The following GOLPH3 variants were observed in gnomAD, a reference collection of about 807,000 sequenced individuals.
The protein encoded by GOLPH3 is golgi phosphoprotein 3.
Under a neutral mutation model 28.5 loss-of-function variants are expected in GOLPH3, and 14 were observed. That is an observed-to-expected ratio of 0.49 (90% CI 0.32 to 0.77). The LOEUF is 0.77. GOLPH3 is among the 30% of genes least tolerant of loss of function. GOLPH3 has a pLI of 0.03. For missense variants in GOLPH3, 350 were observed against 393.7 expected, an observed-to-expected ratio of 0.89 and a Z score of 0.94; for synonymous variants, 158 against 159.2, an observed-to-expected ratio of 0.99 and a Z score of 0.06.
chr5:32,131,670 AG>A (rs1745827566), intron 3 of GOLPH3, among the ~76,000 whole-genome samples: 1 of 152,240 alleles, frequency 6.6e-6, no homozygotes, highest in African/African-American at 2.4e-5. Context: ...ATCTATTCAT[AG>A]TTTACTTTTT....
intron 2 of GOLPH3, among the ~76,000 whole-genome samples, chr5:32,142,930 A>AG (rs1285914069): frequency 1.3e-5 from 2 of 151,622 alleles, no homozygotes; most frequent in Admixed American, 6.6e-5. Context: ...CTGCCCGGCC[A>AG]CCACCCCGTC....
intron 2 of GOLPH3, among the ~76,000 whole-genome samples, chr5:32,142,889 G>A (rs377047099): frequency 1.3e-5 from 2 of 149,500 alleles, no homozygotes; most frequent in African/African-American, 2.5e-5. Context: ...GCCTCTGCCC[G>A]GCCGCGCCTA....
rs79765735 is a variant in GOLPH3 at position 32,151,925 on chromosome 5, A to G, written c.226-8045T>C. Among the ~76,000 whole-genome samples the G allele has an allele frequency of 9.9e-3, 1,512 of 152,294 alleles. 25 individuals are homozygous for G. The highest frequency in any genetic ancestry group is 0.034 in the African/African-American group (1,392 of 41,550). ...TGGGGTACCTAGAATAGTCAAATTC[A>G]TAGAGACAGTGGTTCCCAGGGACTG... On this transcript the variant is annotated intron_variant, in intron 1 of 3. Coordinates refer to ENST00000265070, the MANE Select transcript of GOLPH3 (RefSeq NM_022130.4).
chr5:32,155,240 C>A (rs1033846448), intron 1 of GOLPH3, among the ~76,000 whole-genome samples: 2 of 152,154 alleles, frequency 1.3e-5, no homozygotes, highest in Non-Finnish European at 2.9e-5. Flanking sequence ...GGCTAGAGTG[C>A]AGTGGCTTGA....
intron 1 of GOLPH3, among the ~76,000 whole-genome samples, chr5:32,144,789 T>C (rs189704541): frequency 1.6e-4 from 24 of 152,280 alleles, no homozygotes; most frequent in Admixed American, 9.8e-4. Flanking sequence ...TCTAGAGATC[T>C]GGGATACTGG....
chr5:32,126,647 G>C lies in GOLPH3; in HGVS notation c.473-11C>G, dbSNP rs143356417. The C allele has an allele frequency of 1.4e-4, 227 of 1,598,966 alleles. 3 individuals carry two copies. The East Asian group carries it at 3.7e-3, about 26-fold the overall frequency. On this transcript the variant is annotated splice_polypyrimidine_tract_variant and intron_variant, in intron 3 of 3. Coordinates refer to ENST00000265070, the MANE Select transcript of GOLPH3 (RefSeq NM_022130.4). ...GATTCCATGTCTCACCTAAACAAAA[G>C]ATTTCAGAAGTTAGAAATGATGAGT...
chr5:32,172,576 TC>T (rs1338527498), intron 1 of GOLPH3, among the ~76,000 whole-genome samples: 1 of 152,088 alleles, frequency 6.6e-6, no homozygotes, highest in Non-Finnish European at 1.5e-5. Context: ...ACGTCTGTAG[TC>T]CCGGCTACTC....
intron 3 of GOLPH3, among the ~76,000 whole-genome samples, chr5:32,134,265 G>A (rs1745885782): frequency 6.6e-6 from 1 of 152,000 alleles, no homozygotes; most frequent in South Asian, 2.1e-4. Context: ...GAGTGCAGTG[G>A]CATGATCTTG....
intron 2 of GOLPH3, among the ~76,000 whole-genome samples, chr5:32,137,692 A>G (rs981693787): frequency 6.6e-6 from 1 of 152,128 alleles, no homozygotes; most frequent in East Asian, 1.9e-4. Context: ...TATAGAATCC[A>G]TTTTAAAAGT....
chr5:32,162,849 C>T (rs1018447394), intron 1 of GOLPH3, among the ~76,000 whole-genome samples: 5 of 151,846 alleles, frequency 3.3e-5, no homozygotes, highest in African/African-American at 7.3e-5. Flanking sequence ...GAGGCAGAGG[C>T]GGGCGGATCA....
At chr5:32,131,726 C>A (rs1197012395) in intron 3 of GOLPH3, among the ~76,000 whole-genome samples, 5 of 152,192 alleles carry the variant, frequency 3.3e-5, no homozygotes, top group Non-Finnish European at 7.3e-5. Context: ...AGGAAAAGTT[C>A]TTCAAAGATT....
At chr5:32,147,491 T>A (rs1024314662) in intron 1 of GOLPH3, among the ~76,000 whole-genome samples, 1 of 151,290 alleles carries the variant, frequency 6.6e-6, no homozygotes, top group Non-Finnish European at 1.5e-5. Flanking sequence ...ACATGAAAAA[T>A]TATTATGAAA....
chr5:32,154,164 AAAG>A (rs1310003062), intron 1 of GOLPH3, among the ~76,000 whole-genome samples: 1 of 152,222 alleles, frequency 6.6e-6, no homozygotes, highest in African/African-American at 2.4e-5. Context: ...TAATTTTAAA[AAAG>A]AAAAGAGCCC....
chr5:32,156,100 T>G (rs1239041395), intron 1 of GOLPH3, among the ~76,000 whole-genome samples: 1 of 151,314 alleles, frequency 6.6e-6, no homozygotes, highest in East Asian at 2.0e-4. Context: ...AGAGTCCCTA[T>G]GCCCTTCTGC....
chr5:32,167,702 G>C (rs1005326660), intron 1 of GOLPH3, among the ~76,000 whole-genome samples: 1 of 148,110 alleles, frequency 6.8e-6, no homozygotes, highest in South Asian at 2.1e-4. Context: ...TGTAATCCCA[G>C]AACTTTGGGA....
At chr5:32,131,447 A>G (rs1455042564) in intron 3 of GOLPH3, among the ~76,000 whole-genome samples, 2 of 152,250 alleles carry the variant, frequency 1.3e-5, no homozygotes, top group Non-Finnish European at 2.9e-5. Context: ...AGATGCAATA[A>G]AAGTTTAGCT....
intron 1 of GOLPH3, among the ~76,000 whole-genome samples, chr5:32,150,820 G>A (rs115738214): frequency 0.015 from 2,232 of 152,132 alleles, 21 homozygotes; most frequent in Non-Finnish European, 0.024. Flanking sequence ...TCAGATTTTC[G>A]AAATTGGGAT....
chr5:32,126,346 G>C lies in GOLPH3; in HGVS notation c.763C>G (p.Pro255Ala), dbSNP rs1476174592. The C allele has an allele frequency of 6.2e-7, 1 of 1,614,054 alleles. No homozygotes were observed. The highest frequency in any genetic ancestry group is 8.5e-7 in the Non-Finnish European group (1 of 1,180,050). ...ASDVLENAFA[P>A]LLDEQYDLAT... ...AAATCATACTGCTCGTCCAGAAGAG[G>C]AGCAAAAGCATTCTCCAGGACGTCC... The change falls in exon 4 of 4, where the codon CCT becomes GCT. Residue 255 changes from proline to alanine, a missense_variant. Coordinates refer to ENST00000265070, the MANE Select transcript of GOLPH3 (RefSeq NM_022130.4).
intron 1 of GOLPH3, among the ~76,000 whole-genome samples, chr5:32,166,197 A>AT (rs1175740779): frequency 1.3e-5 from 2 of 152,174 alleles, no homozygotes; most frequent in African/African-American, 4.8e-5. Context: ...AAATAAGTAA[A>AT]TTTTTTTGTT....
Sources: gnomAD v4.1 joint callset for allele counts (sites outside exome capture counted in the v4.1 genomes callset) on GRCh38, gnomAD v4.1.1 for gene constraint, MANE v1.5 for transcripts, NCBI Gene and HGNC (gene_info 2026-07-23, HGNC 2026-07-21) for gene names.